WDR25: variants seen among roughly 807,000 people sequenced by gnomAD.
WDR25 encodes the protein WD repeat domain 25, also known as WD repeat-containing protein 25.
WDR25 carries 35 observed loss-of-function variants against 47.7 expected under a neutral mutation model. The ratio of observed to expected loss-of-function variants is 0.73; its 90% confidence interval spans 0.56 to 0.97. WDR25 has a LOEUF of 0.97. Ranked by LOEUF, WDR25 falls within the 50% of genes least tolerant of loss-of-function variation. WDR25 has a pLI of 0.00. For missense variants in WDR25, 634 were observed against 704.7 expected, an observed-to-expected ratio of 0.90 and a Z score of 1.14; for synonymous variants, 248 against 278.9, an observed-to-expected ratio of 0.89 and a Z score of 1.10.
At position 100,482,219 on chromosome 14, in the gene WDR25, A is replaced by G. The variant is rs544789508; in HGVS notation, c.971-1775A>G. ...AGTGGATAAACTGAACCTACTTGCA[A>G]CCAGACTACATTCAAATAACTGAAT... is the stretch of plus-strand genomic sequence containing the variant. On this transcript the variant is annotated intron_variant, in intron 3 of 6. Transcript: ENST00000402312. Among the ~76,000 whole-genome samples the G allele has an allele frequency of 5.3e-5, 8 of 152,310 alleles. No individual in the cohort carries two copies. In the East Asian group the frequency reaches 1.5e-3, roughly 29 times the overall value.
intron 2 of WDR25, among the ~76,000 whole-genome samples, chr14:100,383,093 G>A (rs1365526680): frequency 6.6e-6 from 1 of 152,222 alleles, no homozygotes; most frequent in Admixed American, 6.5e-5. Context: ...GTATAGAGAT[G>A]TCTTTGAAAT....
rs186560813 is a variant in WDR25, at chr14:100,404,759, G to A, written c.822+23013G>A. On this transcript the variant is annotated intron_variant, in intron 2 of 6. Transcript: ENST00000402312. The surrounding 1 kb of genome is among the most constrained non-coding windows in gnomAD (Gnocchi z 4.6). ...CATGATCCTGACTCTGAAATGCCAA[G>A]TATACACCCCTCCCTCCTCCTGCCT... Among the ~76,000 whole-genome samples, 2 of 152,238 alleles carry A rather than the reference G, an allele frequency of 1.3e-5. No homozygotes were observed. Among genetic ancestry groups the A allele is most frequent in the Admixed American group, 6.5e-5 (1 of 15,288 alleles).
intron 4 of WDR25, chr14:100,503,867 CCCAGCTG>C (rs1901025819): frequency 6.6e-6 from 1 of 152,194 alleles, no homozygotes; most frequent in South Asian, 2.1e-4. Context: ...TGATTTCAGG[CCCAGCTG>C]ATAAGAAGAA....
intron 2 of WDR25, among the ~76,000 whole-genome samples, chr14:100,422,736 G>A (rs1039743545): frequency 3.3e-5 from 5 of 152,176 alleles, no homozygotes; most frequent in Non-Finnish European, 7.3e-5. Context: ...TGCTGTTAGG[G>A]ATTTTGATTT....
At chr14:100,377,332 C>T (rs969335849) in intron 1 of WDR25, among the ~76,000 whole-genome samples, 2 of 149,318 alleles carry the variant, frequency 1.3e-5, no homozygotes, top group Admixed American at 6.6e-5. Flanking sequence ...CCAAGTCTCG[C>T]TCTGTAGCCC....
At chr14:100,388,774 GC>G (rs1897074316) in intron 2 of WDR25, among the ~76,000 whole-genome samples, 5 of 152,196 alleles carry the variant, frequency 3.3e-5, no homozygotes, top group Admixed American at 2.0e-4. Flanking sequence ...TGTGTTTTCT[GC>G]TTTTTAATAA....
chr14:100,401,943 G>C (rs1487305494), intron 2 of WDR25, among the ~76,000 whole-genome samples: 2 of 152,228 alleles, frequency 1.3e-5, no homozygotes, highest in Non-Finnish European at 2.9e-5. Context: ...ACCTCCTGGG[G>C]TACAACTGGC....
intron 2 of WDR25, among the ~76,000 whole-genome samples, chr14:100,457,060 C>T (rs867753815): frequency 2.0e-5 from 3 of 152,004 alleles, no homozygotes; most frequent in Non-Finnish European, 2.9e-5. Flanking sequence ...CAGATTCAAG[C>T]GAATCTTCTG....
intron 4 of WDR25, among the ~76,000 whole-genome samples, chr14:100,509,092 A>G (rs1303777368): frequency 6.6e-6 from 1 of 152,172 alleles, no homozygotes; most frequent in Non-Finnish European, 1.5e-5. Flanking sequence ...GACCTCAGAA[A>G]AGTGAACTGA....
chr14:100,509,725 C>G (rs1471956756), intron 4 of WDR25, among the ~76,000 whole-genome samples: 1 of 152,142 alleles, frequency 6.6e-6, no homozygotes. Flanking sequence ...CCTGTGTTTA[C>G]TTCTAGAAGT....
At chr14:100,528,494 C>T (rs2030301461) in intron 5 of WDR25, among the ~76,000 whole-genome samples, 1 of 144,412 alleles carries the variant, frequency 6.9e-6, no homozygotes, top group South Asian at 2.1e-4. Context: ...TGGTCTCGAA[C>T]TCCTGGGCTC....
At chr14:100,431,513 C>T (rs1898334216) in intron 2 of WDR25, among the ~76,000 whole-genome samples, 1 of 151,632 alleles carries the variant, frequency 6.6e-6, no homozygotes, top group African/African-American at 2.4e-5. Context: ...GCCTGTTTGG[C>T]CTAGAGAAAT....
At chr14:100,414,399 G>A (rs1179121804) in intron 2 of WDR25, among the ~76,000 whole-genome samples, 1 of 144,282 alleles carries the variant, frequency 6.9e-6, no homozygotes, top group Non-Finnish European at 1.5e-5. Flanking sequence ...TGCAGCCTCC[G>A]CCTCCCAGGC....
chr14:100,421,211 C>T (rs989471857), intron 2 of WDR25, among the ~76,000 whole-genome samples: 3 of 152,182 alleles, frequency 2.0e-5, no homozygotes, highest in Non-Finnish European at 4.4e-5. Context: ...AGTCTTTCAT[C>T]CCTGTGTTTC....
Position 100,392,288 on chromosome 14 carries a change from A to C in WDR25, c.822+10542A>C, listed in dbSNP as rs1217900191. On this transcript the variant is annotated intron_variant, in intron 2 of 6. Coordinates refer to ENST00000402312, the MANE Select transcript of WDR25 (RefSeq NM_001161476.3). The surrounding 1 kb of genome is among the most constrained non-coding windows in gnomAD (Gnocchi z 4.2). ...TAATTACATTTTGGGGAATCTCACT[A>C]TTGTGTTGGTAAAAACGTCAGCACA... is the stretch of plus-strand genomic sequence containing the variant. Among the ~76,000 whole-genome samples the C allele has an allele frequency of 6.6e-6, 1 of 151,902 alleles. No individual in the cohort carries two copies. The highest frequency in any genetic ancestry group is 1.5e-5 in the Non-Finnish European group (1 of 68,000).
chr14:100,510,735 C>G (rs1901282521), intron 4 of WDR25, among the ~76,000 whole-genome samples: 1 of 130,048 alleles, frequency 7.7e-6, no homozygotes, highest in Non-Finnish European at 1.5e-5. Flanking sequence ...GACACCATCT[C>G]AAAATAATAA....
At chr14:100,496,624 A>G (rs1287942443) in intron 4 of WDR25, among the ~76,000 whole-genome samples, 2 of 152,088 alleles carry the variant, frequency 1.3e-5, no homozygotes, top group Non-Finnish European at 2.9e-5. Flanking sequence ...TTTTCCTCTC[A>G]GCACTACTTC....
intron 2 of WDR25, among the ~76,000 whole-genome samples, chr14:100,394,282 C>T (rs1464392445): frequency 1.3e-5 from 2 of 152,160 alleles, no homozygotes; most frequent in Admixed American, 1.3e-4. Flanking sequence ...TCTTCCAGTC[C>T]AGCAGTGTGA....
At chr14:100,406,250 T>G (rs1381611135) in intron 2 of WDR25, among the ~76,000 whole-genome samples, 1 of 152,162 alleles carries the variant, frequency 6.6e-6, no homozygotes, top group Non-Finnish European at 1.5e-5. Context: ...TGTTGAATAT[T>G]GATGGTGTGG....
Sources: allele counts gnomAD v4.1 joint callset (sites outside exome capture counted in the v4.1 genomes callset), GRCh38; gene constraint gnomAD v4.1.1; non-coding constraint Gnocchi (gnomAD v3.1); transcripts MANE v1.5; gene names NCBI Gene and HGNC (gene_info 2026-07-23, HGNC 2026-07-21).